Variants in GALNT13 observed in about 807,000 individuals in gnomAD.
GALNT13 encodes UDP-GalNAc:polypeptide N-acetylgalactosaminyltransferase 13.
A neutral mutation model predicts 64.2 loss-of-function variants in GALNT13; 28 were observed. That is an observed-to-expected ratio of 0.44 (90% CI 0.32 to 0.60). GALNT13 has a LOEUF of 0.60. GALNT13 is among the 20% of genes least tolerant of loss of function. The pLI is 0.05. For synonymous variants in GALNT13, 214 were observed against 224.6 expected (o/e 0.95, Z 0.42); for missense variants, 577 against 669.8 (o/e 0.86, Z 1.53).
the GALNT13 span, among the ~76,000 whole-genome samples, chr2:153,614,391 C>T: frequency 3.3e-5 from 5 of 151,752 alleles, no homozygotes; most frequent in South Asian, 2.1e-4. Flanking sequence ...TATGACTTGC[C>T]GTTATAATTA....
the GALNT13 span, among the ~76,000 whole-genome samples, chr2:153,080,978 C>T: frequency 1.3e-5 from 2 of 151,830 alleles, no homozygotes; most frequent in African/African-American, 4.8e-5. Context: ...TCACTGCCCA[C>T]CCTTAAATTT....
At chr2:153,816,716 A>G in the GALNT13 span, among the ~76,000 whole-genome samples, 1 of 152,326 alleles carries the variant, frequency 6.6e-6, no homozygotes, top group African/African-American at 2.4e-5. Context: ...AGTAGGATCT[A>G]TAGCAAGAGA....
the GALNT13 span, among the ~76,000 whole-genome samples, chr2:153,355,000 A>G: frequency 1.3e-5 from 2 of 152,192 alleles, no homozygotes; most frequent in South Asian, 2.1e-4. Flanking sequence ...ATGTTCAAAT[A>G]TATTGGATTT....
the GALNT13 span, among the ~76,000 whole-genome samples, chr2:153,338,159 G>A: frequency 6.6e-6 from 1 of 152,038 alleles, no homozygotes; most frequent in Non-Finnish European, 1.5e-5. Context: ...CAGTCATGGT[G>A]GCAAACAGTG....
At chr2:153,354,229 A>T in the GALNT13 span, 1 of 152,248 alleles carries the variant, frequency 6.6e-6, no homozygotes, top group South Asian at 2.1e-4. Context: ...TTTCAGAAAC[A>T]GTTTGACTAT....
the GALNT13 span, among the ~76,000 whole-genome samples, chr2:153,811,567 C>T: frequency 1.3e-5 from 2 of 152,130 alleles, no homozygotes; most frequent in East Asian, 3.8e-4. Flanking sequence ...AGGAGAATTG[C>T]TCAGCATTGT....
rs994829609 is a variant in GALNT13, at chr2:154,151,795, C to G, written c.311+11290C>G. Among the ~76,000 whole-genome samples the G allele has an allele frequency of 2.4e-4, 36 of 152,258 alleles. 1 individual carries two copies. The highest frequency in any genetic ancestry group is 8.4e-4 in the African/African-American group (35 of 41,550). On this transcript the variant is annotated intron_variant, in intron 4 of 12. Coordinates refer to ENST00000392825, the MANE Select transcript of GALNT13 (RefSeq NM_052917.4). ...TTCCATTTGCTTGGTAGATCTTCCT[C>G]CATCCTTTTATTTTGAGCCTATGTG...
the GALNT13 span, among the ~76,000 whole-genome samples, chr2:153,286,021 A>G: frequency 2.6e-5 from 4 of 152,142 alleles, no homozygotes; most frequent in African/African-American, 9.6e-5. Flanking sequence ...ATTAAAAATT[A>G]TGGGAATATA....
At chr2:153,741,866 G>A in the GALNT13 span, among the ~76,000 whole-genome samples, 8 of 151,968 alleles carry the variant, frequency 5.3e-5, no homozygotes, top group African/African-American at 1.7e-4. Context: ...ACAGATCATA[G>A]TTGTATAGAT....
the GALNT13 span, among the ~76,000 whole-genome samples, chr2:153,803,254 C>T: frequency 6.6e-6 from 1 of 152,092 alleles, no homozygotes; most frequent in Non-Finnish European, 1.5e-5. Flanking sequence ...ATGCTACAGA[C>T]GGAATTGTGT....
the GALNT13 span, among the ~76,000 whole-genome samples, chr2:153,412,051 A>G: frequency 2.0e-5 from 3 of 152,184 alleles, no homozygotes; most frequent in Non-Finnish European, 4.4e-5. Context: ...CTCCCAGCCT[A>G]CATCTTTCTC....
At chr2:154,332,039 T>A (rs1452840945) in intron 9 of GALNT13, among the ~76,000 whole-genome samples, 1 of 152,080 alleles carries the variant, frequency 6.6e-6, no homozygotes, top group African/African-American at 2.4e-5. Context: ...TTGAATAATT[T>A]ACAGAAAACA....
chr2:154,101,450 A>G (rs1336358921), intron 3 of GALNT13, among the ~76,000 whole-genome samples: 1 of 151,990 alleles, frequency 6.6e-6, no homozygotes, highest in African/African-American at 2.4e-5. Flanking sequence ...GGAAATGTTC[A>G]TAGTAGTCTT....
the GALNT13 span, among the ~76,000 whole-genome samples, chr2:153,272,990 A>G: frequency 6.6e-6 from 1 of 152,204 alleles, no homozygotes; most frequent in Admixed American, 6.5e-5. Context: ...GCTGCAATCC[A>G]TGAATCTGTT....
intron 9 of GALNT13, among the ~76,000 whole-genome samples, chr2:154,380,250 T>TA (rs1559124058): frequency 6.6e-6 from 1 of 152,008 alleles, no homozygotes. Context: ...AAGCAACTTA[T>TA]AAAGGGTCAT....
chr2:154,209,646 A>G (rs1253449977), intron 4 of GALNT13, among the ~76,000 whole-genome samples: 1 of 152,170 alleles, frequency 6.6e-6, no homozygotes, highest in Admixed American at 6.6e-5. Context: ...GAAAACATCC[A>G]GACTTTTAAG....
the GALNT13 span, among the ~76,000 whole-genome samples, chr2:153,546,449 T>G: frequency 6.6e-6 from 1 of 152,186 alleles, no homozygotes; most frequent in Non-Finnish European, 1.5e-5. Context: ...TACTGAAATA[T>G]GAGCATATAT....
chr2:153,837,921 C>T, the GALNT13 span, among the ~76,000 whole-genome samples: 1 of 152,092 alleles, frequency 6.6e-6, no homozygotes, highest in African/African-American at 2.4e-5. Context: ...CTCCAATCCT[C>T]ACCAATATTT....
At chr2:153,412,376 A>G in the GALNT13 span, among the ~76,000 whole-genome samples, 3 of 152,130 alleles carry the variant, frequency 2.0e-5, no homozygotes, top group Non-Finnish European at 2.9e-5. Flanking sequence ...TAAAAGAAAA[A>G]CATGAAAACA....
Sources: allele counts gnomAD v4.1 joint callset (sites outside exome capture counted in the v4.1 genomes callset), GRCh38; gene constraint gnomAD v4.1.1; transcripts MANE v1.5; gene names NCBI Gene and HGNC (gene_info 2026-07-23, HGNC 2026-07-21).